Variants in BMP7 observed in about 807,000 individuals in gnomAD.
BMP7 encodes osteogenic protein 1.
Under a neutral mutation model 41.2 loss-of-function variants are expected in BMP7, and 12 were observed. The ratio of observed to expected loss-of-function variants is 0.29; its 90% CI spans 0.19 to 0.47. BMP7 has a LOEUF of 0.47. Ranked by LOEUF, BMP7 falls within the 20% of genes least tolerant of loss-of-function variation. The pLI, the probability that BMP7 is intolerant of heterozygous loss-of-function variation, is 0.99. For synonymous variants in BMP7, 248 were observed against 250.0 expected (o/e 0.99, Z 0.07); for missense variants, 467 against 606.0 (o/e 0.77, Z 2.41).
At chr20:57,242,901 G>A (rs1568727445) in intron 1 of BMP7, among the ~76,000 whole-genome samples, 1 of 152,190 alleles carries the variant, frequency 6.6e-6, no homozygotes, top group Admixed American at 6.5e-5. Flanking sequence ...TACTCGGGAG[G>A]CTGAGGCACA....
chr20:57,253,570 G>T (rs932507617), intron 1 of BMP7, among the ~76,000 whole-genome samples: 2 of 151,962 alleles, frequency 1.3e-5, no homozygotes, highest in Non-Finnish European at 1.5e-5. Context: ...AGATTGATTC[G>T]TTATTGGCCT....
chr20:57,210,669 T>C (rs1270225428), intron 2 of BMP7, among the ~76,000 whole-genome samples: 1 of 152,190 alleles, frequency 6.6e-6, no homozygotes, highest in Non-Finnish European at 1.5e-5. Context: ...AGGCACGCGT[T>C]GGAGCCACAG....
intron 4 of BMP7, among the ~76,000 whole-genome samples, chr20:57,176,791 C>CACA (rs1555811498): frequency 3.3e-5 from 5 of 149,944 alleles, no homozygotes; most frequent in South Asian, 2.1e-4. Context: ...CACACACACA[C>CACA]CTGTTAACTG....
intron 2 of BMP7, among the ~76,000 whole-genome samples, chr20:57,218,645 GT>G (rs1568719054): frequency 6.6e-6 from 1 of 151,952 alleles, no homozygotes; most frequent in Non-Finnish European, 1.5e-5. Flanking sequence ...GTGGTAGCTG[GT>G]GTTTGTTCGG....
intron 4 of BMP7, among the ~76,000 whole-genome samples, chr20:57,175,723 C>A (rs1488070226): frequency 6.6e-6 from 1 of 152,204 alleles, no homozygotes; most frequent in African/African-American, 2.4e-5. Flanking sequence ...CTTCCTTCCA[C>A]CCCACAACAG....
chr20:57,228,079 A>T lies in BMP7; in HGVS notation c.611+150T>A. 1 of 914,270 alleles carries T rather than the reference A, an allele frequency of 1.1e-6. No homozygotes were observed. The highest frequency in any genetic ancestry group is 1.8e-6 in the Non-Finnish European group (1 of 563,724). 56.6% of individuals were successfully genotyped at this position (914,270 alleles called of 1,614,324 possible). On this transcript the variant is annotated intron_variant, in intron 2 of 6. Coordinates refer to ENST00000395863, the MANE Select transcript of BMP7 (RefSeq NM_001719.3). This position sits in a 1 kb window ranked among gnomAD's most constrained non-coding sequence, Gnocchi z 4.5. The stretch of plus-strand genomic sequence containing the variant: ...GGTCATGGTTTTAAGGAAGTGACAT[A>T]CACCATACACCTTCTTTAGAAGGGA...
rs1983886376 is a variant in BMP7, at chr20:57,174,849, C to A, written c.1035+82G>T. 1 of 1,448,962 alleles carries A rather than the reference C, an allele frequency of 6.9e-7. No homozygotes were observed. Among genetic ancestry groups the A allele is most frequent in the Non-Finnish European group, 9.4e-7 (1 of 1,060,442 alleles). 89.8% of individuals were successfully genotyped at this position (1,448,962 alleles called of 1,614,324 possible). On this transcript the variant is annotated intron_variant, in intron 5 of 6. Coordinates refer to ENST00000395863, the MANE Select transcript of BMP7 (RefSeq NM_001719.3). The surrounding 1 kb of genome is among the most constrained non-coding windows in gnomAD (Gnocchi z 4.3). ...AGTCTTAACTGGCAGAGATGAGAAA[C>A]AAGACTGAGCACAGACCCGCTGCCT...
chr20:57,249,419 T>C (rs6127983), intron 1 of BMP7, among the ~76,000 whole-genome samples: 57,409 of 151,822 alleles, frequency 0.38, 10,950 homozygotes, highest in Admixed American at 0.44. Context: ...CTCAGCCATA[T>C]GGAGATACTG....
At chr20:57,183,409 A>G (rs986399218) in intron 4 of BMP7, among the ~76,000 whole-genome samples, 6 of 34,628 alleles carry the variant, frequency 1.7e-4, no homozygotes, top group African/African-American at 1.3e-4. Flanking sequence ...GGGTCTTCCC[A>G]TCCACGTTTC....
chr20:57,174,910 C>G lies in BMP7; in HGVS notation c.1035+21G>C. 1 of 1,606,638 alleles carries G rather than the reference C, an allele frequency of 6.2e-7. No individual in the cohort carries two copies. Among genetic ancestry groups the G allele is most frequent in the Non-Finnish European group, 8.5e-7 (1 of 1,178,722 alleles). ...CACGCCAGAGGGCCCACACCCAAGA[C>G]AGACCCAGCCAGCCCCTTACCTGCC... On this transcript the variant is annotated intron_variant, in intron 5 of 6. Transcript: ENST00000395863. The surrounding 1 kb of genome is among the most constrained non-coding windows in gnomAD (Gnocchi z 4.3).
At position 57,254,657 on chromosome 20, in the gene BMP7, A is replaced by C. The variant is rs976354090; in HGVS notation, c.418+11048T>G. 3.3e-5 allele frequency among the ~76,000 whole-genome samples: 5 copies of C among 151,936 alleles called. No individual in the cohort carries two copies. The South Asian group carries it at 6.3e-4, about 19-fold the overall frequency. On this transcript the variant is annotated intron_variant, in intron 1 of 6. Coordinates refer to ENST00000395863, the MANE Select transcript of BMP7 (RefSeq NM_001719.3). ...TCTACATTGATACAGTAAAAAAAAA[A>C]AAACAAAAAACAAAAACAAAAAGAA...
chr20:57,212,083 G>A (rs986996228), intron 2 of BMP7, among the ~76,000 whole-genome samples: 3 of 152,214 alleles, frequency 2.0e-5, no homozygotes, highest in Non-Finnish European at 4.4e-5. Context: ...CTGGGCGTGC[G>A]TAGCACACAA....
rs1157267186 is a variant in BMP7, at chr20:57,245,871, C to T, written c.419-17450G>A. ...GCCAGGATGGTCTCGATCTCCTGAC[C>T]TCATGATCTGCCCGCCTCAGCCTCC... On this transcript the variant is annotated intron_variant, in intron 1 of 6. Coordinates refer to ENST00000395863, the MANE Select transcript of BMP7 (RefSeq NM_001719.3). Among the ~76,000 whole-genome samples, 3 of 152,106 alleles carry T rather than the reference C, an allele frequency of 2.0e-5. No individual in the cohort carries two copies. The East Asian group carries it at 5.8e-4, about 29-fold the overall frequency.
chr20:57,243,583 C>T (rs1475944040), intron 1 of BMP7, among the ~76,000 whole-genome samples: 1 of 152,130 alleles, frequency 6.6e-6, no homozygotes, highest in East Asian at 1.9e-4. Context: ...GGCTGTTGAA[C>T]AGGTACAAGG....
chr20:57,244,605 T>G (rs978795955), intron 1 of BMP7, among the ~76,000 whole-genome samples: 1 of 152,204 alleles, frequency 6.6e-6, no homozygotes, highest in African/African-American at 2.4e-5. Flanking sequence ...TCTGGAAGGC[T>G]CAACTTTTTC....
At chr20:57,237,277 C>A (rs2066051605) in intron 1 of BMP7, among the ~76,000 whole-genome samples, 1 of 152,188 alleles carries the variant, frequency 6.6e-6, no homozygotes, top group Non-Finnish European at 1.5e-5. Context: ...GAAGTCAGAA[C>A]TGGGTTTTCA....
intron 1 of BMP7, among the ~76,000 whole-genome samples, chr20:57,244,972 G>A (rs2066084051): frequency 6.6e-6 from 1 of 152,208 alleles, no homozygotes; most frequent in South Asian, 2.1e-4. Flanking sequence ...TTAGGCCCAG[G>A]AGATGCAGGT....
rs544666155 is a variant in BMP7 at position 57,188,781 on chromosome 20, T to TG, written c.761-4863dup. On this transcript the variant is annotated intron_variant, in intron 3 of 6. Transcript: ENST00000395863. Reference sequence around the variant, plus strand: ...TCACCAGCAGCAGACTGGGAGCTCATGGCCCACCCCATCCTCAACACAGCC... The same window carrying TG: ...TCACCAGCAGCAGACTGGGAGCTCATGGGCCCACCCCATCCTCAACACAGCC... Among the ~76,000 whole-genome samples the TG allele has an allele frequency of 1.8e-4, 27 of 152,310 alleles. No individual in the cohort carries two copies. The East Asian group carries it at 5.2e-3, about 29-fold the overall frequency.
intron 1 of BMP7, among the ~76,000 whole-genome samples, chr20:57,249,566 C>T (rs2066104161): frequency 6.6e-6 from 1 of 152,094 alleles, no homozygotes; most frequent in Admixed American, 6.5e-5. Flanking sequence ...GGATTCTTTT[C>T]AAAATCTATG....
Sources: allele counts gnomAD v4.1 joint callset (sites outside exome capture counted in the v4.1 genomes callset), GRCh38; gene constraint gnomAD v4.1.1; non-coding constraint Gnocchi (gnomAD v3.1); transcripts MANE v1.5; gene names NCBI Gene and HGNC (gene_info 2026-07-23, HGNC 2026-07-21).